The following BTC variants were observed in gnomAD, a reference collection of about 807,000 sequenced individuals.
BTC encodes the protein probetacellulin.
In BTC, 13 loss-of-function variants were observed where a neutral mutation model predicts 18.1. That is an observed-to-expected ratio of 0.72 (90% CI 0.47 to 1.14). The LOEUF (loss-of-function observed/expected upper bound fraction) is 1.14. Ranked by LOEUF, BTC falls within the 50% of genes most tolerant of loss-of-function variation. The pLI is 0.00. For synonymous variants in BTC, 83 were observed against 79.4 expected (o/e 1.05, Z -0.24); for missense variants, 247 against 224.2 (o/e 1.10, Z -0.65).
At chr4:74,763,126 G>C (rs1267659024) in intron 2 of BTC, among the ~76,000 whole-genome samples, 1 of 152,058 alleles carries the variant, frequency 6.6e-6, no homozygotes, top group Admixed American at 6.6e-5. Flanking sequence ...TTCTCAAATA[G>C]TAAAATGTAT....
intron 1 of BTC, among the ~76,000 whole-genome samples, chr4:74,780,107 T>A (rs1328553223): frequency 6.6e-6 from 1 of 152,126 alleles, no homozygotes; most frequent in Non-Finnish European, 1.5e-5. Context: ...AAAAAAGGAT[T>A]AAGAAACAAT....
chr4:74,763,508 T>G (rs1268526380), intron 2 of BTC, among the ~76,000 whole-genome samples: 1 of 152,070 alleles, frequency 6.6e-6, no homozygotes, highest in Non-Finnish European at 1.5e-5. Context: ...GGCTCTTACA[T>G]TTATTATTTG....
intron 2 of BTC, among the ~76,000 whole-genome samples, chr4:74,764,720 T>C (rs1447790962): frequency 6.6e-6 from 1 of 152,122 alleles, no homozygotes; most frequent in Non-Finnish European, 1.5e-5. Flanking sequence ...AGAGAAGTAA[T>C]GCAGGAATGG....
In BTC at chr4:74,761,219, G is replaced by T. The variant is rs1379362974; in HGVS notation, c.164-5243C>A. ...TGGCTGGAGGCAAATGAAAATGAAG[G>T]GACAGGAAGAAAACTTATCTTTCTC... is the stretch of plus-strand genomic sequence containing the variant. On this transcript the variant is annotated intron_variant, in intron 2 of 5. Coordinates refer to ENST00000395743, the MANE Select transcript of BTC (RefSeq NM_001729.4). Among the ~76,000 whole-genome samples, 7 of 152,184 alleles carry T rather than the reference G, an allele frequency of 4.6e-5. No homozygotes were observed. The East Asian group carries it at 1.2e-3, about 25-fold the overall frequency.
chr4:74,761,611 T>C (rs1457249741), intron 2 of BTC, among the ~76,000 whole-genome samples: 3 of 152,232 alleles, frequency 2.0e-5, no homozygotes, highest in Non-Finnish European at 4.4e-5. Flanking sequence ...ATCATATCCA[T>C]TCTTCTATTA....
At position 74,794,257 on chromosome 4, in the gene BTC, C is replaced by A; in HGVS notation, c.64+5G>T. 6.5e-7 allele frequency: 1 copy of A among 1,550,308 alleles called. No individual in the cohort carries two copies. ...TGGTTTCCAGTGCCCAGCACGGCCA[C>A]TTACCCAGGGCAAGGGCCAGGAGCA... is the stretch of plus-strand genomic sequence containing the variant. On this transcript the variant is annotated splice_donor_5th_base_variant and intron_variant, in intron 1 of 5. Coordinates refer to ENST00000395743, the MANE Select transcript of BTC (RefSeq NM_001729.4).
At chr4:74,755,602 G>A (rs1231330930) in intron 3 of BTC, among the ~76,000 whole-genome samples, 1 of 152,182 alleles carries the variant, frequency 6.6e-6, no homozygotes, top group Non-Finnish European at 1.5e-5. Flanking sequence ...TTCTGCTTGC[G>A]CAAGAAATCA....
chr4:74,768,255 G>A (rs28862935), intron 2 of BTC, among the ~76,000 whole-genome samples: 35,063 of 151,942 alleles, frequency 0.23, 5,253 homozygotes, highest in African/African-American at 0.43. Context: ...CAATAACAAG[G>A]AAACAAATAA....
chr4:74,786,579 C>T (rs74657106), intron 1 of BTC, among the ~76,000 whole-genome samples: 8,020 of 152,222 alleles, frequency 0.053, 350 homozygotes, highest in Admixed American at 0.12. Context: ...TTTGATTACT[C>T]GCCATTAATG....
At chr4:74,776,676 GAGGTAAGTAGTACACC>G (rs1437700651) in intron 1 of BTC, among the ~76,000 whole-genome samples, 1 of 152,132 alleles carries the variant, frequency 6.6e-6, no homozygotes, top group Admixed American at 6.6e-5. Context: ...TGCTAATGCT[GAGGTAAGTAGTACACC>G]AGCTGGGTCA....
chr4:74,776,007 C>T (rs1463170540), intron 1 of BTC, among the ~76,000 whole-genome samples: 3 of 152,172 alleles, frequency 2.0e-5, no homozygotes, highest in African/African-American at 7.2e-5. Flanking sequence ...CTTTCAGGCC[C>T]TACACTGGGA....
Position 74,749,679 on chromosome 4 carries a change from G to GTTTT in BTC, c.428+890_428+893dup, listed in dbSNP as rs368443449. Among the ~76,000 whole-genome samples the GTTTT allele has an allele frequency of 1.3e-3, 103 of 77,792 alleles. 1 individual carries two copies. Among genetic ancestry groups the GTTTT allele is most frequent in the African/African-American group, 4.0e-3 (75 of 18,914 alleles). The allele number at this position is 77,792 out of a possible 152,430, so 51.0% of individuals were successfully genotyped here. A position where few individuals can be genotyped will look rare whatever the true frequency, so the allele number is the denominator to read the frequency against. ...AAAAAGATACCACTTTAATAAGATA[G>GTTTT]TTTTTTTTGTTGTTGTTGTTGTTGT... On this transcript the variant is annotated intron_variant, in intron 4 of 5. Coordinates refer to ENST00000395743, the MANE Select transcript of BTC (RefSeq NM_001729.4).
chr4:74,748,522 T>G (rs182628019), intron 4 of BTC, among the ~76,000 whole-genome samples: 6 of 150,804 alleles, frequency 4.0e-5, no homozygotes, highest in African/African-American at 1.5e-4. Context: ...GGCGACAGAG[T>G]GAGACTCCGT....
At chr4:74,767,961 T>C (rs113376511) in intron 2 of BTC, among the ~76,000 whole-genome samples, 100 of 152,212 alleles carry the variant, frequency 6.6e-4, no homozygotes, top group African/African-American at 2.4e-3. Flanking sequence ...CTTCTTGACA[T>C]TGGTTTTGGC....
chr4:74,750,201 A>T (rs550615250), intron 4 of BTC, among the ~76,000 whole-genome samples: 1 of 152,340 alleles, frequency 6.6e-6, no homozygotes, highest in South Asian at 2.1e-4. Context: ...AATAGAAAGT[A>T]AAAGGAAAAA....
chr4:74,765,317 C>G (rs1724872207), intron 2 of BTC, among the ~76,000 whole-genome samples: 1 of 151,822 alleles, frequency 6.6e-6, no homozygotes, highest in African/African-American at 2.4e-5. Context: ...AATTTTCAAG[C>G]TGGATAATTC....
intron 2 of BTC, among the ~76,000 whole-genome samples, chr4:74,756,405 T>C (rs1724600201): frequency 1.3e-5 from 2 of 152,174 alleles, no homozygotes. Context: ...TAGATGCTGG[T>C]CTGTTTGCTT....
At chr4:74,763,975 T>A (rs554500238) in intron 2 of BTC, among the ~76,000 whole-genome samples, 1 of 138,136 alleles carries the variant, frequency 7.2e-6, no homozygotes, top group African/African-American at 3.2e-5. Flanking sequence ...CCTGTAAATA[T>A]GTATAATTAT....
intron 2 of BTC, among the ~76,000 whole-genome samples, chr4:74,762,488 G>A (rs1056047529): frequency 2.6e-5 from 4 of 152,118 alleles, no homozygotes; most frequent in African/African-American, 7.2e-5. Context: ...GATGATGGAT[G>A]CTATCTTTTT....
Sources: allele counts gnomAD v4.1 joint callset (sites outside exome capture counted in the v4.1 genomes callset), GRCh38; gene constraint gnomAD v4.1.1; transcripts MANE v1.5; gene names NCBI Gene and HGNC (gene_info 2026-07-23, HGNC 2026-07-21).